Variants in ARMH3 observed in about 807,000 individuals in gnomAD.
The protein encoded by ARMH3 is armadillo like helical domain containing 3.
Under a neutral mutation model 99.1 loss-of-function variants are expected in ARMH3, and 60 were observed. The ratio of observed to expected loss-of-function variants is 0.61; its 90% CI spans 0.49 to 0.75. The LOEUF is 0.75. Among genes scored for constraint, ARMH3 ranks in the 30% least tolerant of loss-of-function variants. The pLI is 0.00. For missense variants in ARMH3, 679 were observed against 843.1 expected, an observed-to-expected ratio of 0.81 and a Z score of 2.41; for synonymous variants, 285 against 292.8, an observed-to-expected ratio of 0.97 and a Z score of 0.27.
intron 4 of ARMH3, among the ~76,000 whole-genome samples, chr10:102,031,634 T>A (rs2067133188): frequency 6.6e-6 from 1 of 152,242 alleles, no homozygotes; most frequent in South Asian, 2.1e-4. Context: ...ATTCTACAGA[T>A]GAGAAAACTG....
chr10:102,006,507 T>C (rs2066491437), intron 14 of ARMH3, 33 bp downstream of exon 14: 1 of 1,586,360 alleles, frequency 6.3e-7, no homozygotes, highest in Non-Finnish European at 8.7e-7. Flanking sequence ...AAGATCATAT[T>C]AACCAAGAAA....
chr10:101,852,054 T>A (rs947661724), intron 24 of ARMH3, among the ~76,000 whole-genome samples: 1 of 152,118 alleles, frequency 6.6e-6, no homozygotes, highest in African/African-American at 2.4e-5. Context: ...AATCAGCCCC[T>A]AGGAACCAGG....
At chr10:101,967,138 A>G (rs1454363180) in intron 20 of ARMH3, among the ~76,000 whole-genome samples, 1 of 152,150 alleles carries the variant, frequency 6.6e-6, no homozygotes, top group Non-Finnish European at 1.5e-5. Flanking sequence ...GTACCACAGA[A>G]CCCAAATCAA....
rs533709279 is a variant in ARMH3 at position 102,049,344 on chromosome 10, C to T, written c.-12+6741G>A. Among the ~76,000 whole-genome samples, 12 of 152,176 alleles carry T rather than the reference C, an allele frequency of 7.9e-5. No individual in the cohort carries two copies. In the South Asian group the frequency reaches 2.5e-3, roughly 32 times the overall value. On this transcript the variant is annotated intron_variant, in intron 1 of 25. Transcript: ENST00000370033. Reference sequence around the variant, plus strand: ...ATCACTTGAGGTCAGGAGTTCCAGACCAGCCTGGCCAACATGCAGAAACCC... The same window carrying T: ...ATCACTTGAGGTCAGGAGTTCCAGATCAGCCTGGCCAACATGCAGAAACCC...
chr10:102,017,951 A>C (rs1204623005), intron 8 of ARMH3, among the ~76,000 whole-genome samples: 1 of 152,182 alleles, frequency 6.6e-6, no homozygotes, highest in African/African-American at 2.4e-5. Context: ...CGGCCAAATA[A>C]AGCCCAACTA....
chr10:101,980,828 G>A (rs1026690621), intron 19 of ARMH3, among the ~76,000 whole-genome samples: 1 of 152,162 alleles, frequency 6.6e-6, no homozygotes, highest in Non-Finnish European at 1.5e-5. Flanking sequence ...ATCAATGATA[G>A]ACTGGATCAA....
intron 23 of ARMH3, among the ~76,000 whole-genome samples, chr10:101,908,122 A>T (rs996609777): frequency 2.0e-5 from 3 of 152,352 alleles, no homozygotes; most frequent in Non-Finnish European, 4.4e-5. Flanking sequence ...GAAAAAAACT[A>T]AAGTAGTTTA....
At chr10:101,880,088 TCA>T (rs2067373312) in intron 24 of ARMH3, among the ~76,000 whole-genome samples, 1 of 152,182 alleles carries the variant, frequency 6.6e-6, no homozygotes, top group African/African-American at 2.4e-5. Flanking sequence ...TGTCACATGC[TCA>T]CACTCGAGAA....
At chr10:102,001,376 T>C (rs1033382970) in intron 15 of ARMH3, among the ~76,000 whole-genome samples, 10 of 152,052 alleles carry the variant, frequency 6.6e-5, no homozygotes, top group Admixed American at 5.9e-4. Context: ...ACTCCACTAC[T>C]CTACCACCAA....
rs369291444 is a variant in ARMH3, at chr10:101,995,300, T to C, written c.1206A>G (p.Ala402=). Residue 402 remains alanine (A), a synonymous_variant, in exon 16 of 26, where the codon GCA becomes GCG. Transcript: ENST00000370033. ...KLCLIILTCI[A]EDQYANAFLH... Reference sequence around the variant, plus strand: ...GCAGAAGGCTCGTGAGACCTACCTCTGCAATACATGTAAGGATAATCAGAC... The same window carrying C: ...GCAGAAGGCTCGTGAGACCTACCTCCGCAATACATGTAAGGATAATCAGAC... The C allele has an allele frequency of 8.7e-6, 14 of 1,613,548 alleles. No individual in the cohort carries two copies. The African/African-American group carries it at 1.7e-4, about 20-fold the overall frequency.
At chr10:102,027,279 A>C (rs2067021753) in intron 5 of ARMH3, among the ~76,000 whole-genome samples, 1 of 127,996 alleles carries the variant, frequency 7.8e-6, no homozygotes, top group Non-Finnish European at 1.6e-5. Context: ...ATTCCGTCTC[A>C]AAAAAAAAAA....
In ARMH3 at chr10:101,889,451, G is replaced by T; in HGVS notation, c.1821C>A (p.Tyr607Ter). Residue 607 changes from tyrosine (Y) to a stop codon, truncating the protein, a stop_gained, in exon 24 of 26, where the codon TAC (tyrosine) becomes TAA (stop). Coordinates refer to ENST00000370033, the MANE Select transcript of ARMH3 (RefSeq NM_024541.3). LOFTEE classifies it high-confidence loss of function. ...GTTGGGATATGTGATTCACAGCAGCGTAGGACTCAATTTTGGGGTTAAAGT... is the reference window on the plus strand; with the variant it reads ...GTTGGGATATGTGATTCACAGCAGCTTAGGACTCAATTTTGGGGTTAAAGT... ...INHFNPKIESYAAVNHISQLS... is the reference protein window; with the variant it reads ...INHFNPKIES 6.2e-7 allele frequency: 1 copy of T among 1,614,028 alleles called. No homozygotes were observed. Among genetic ancestry groups the T allele is most frequent in the Non-Finnish European group, 8.5e-7 (1 of 1,179,884 alleles).
intron 24 of ARMH3, among the ~76,000 whole-genome samples, chr10:101,868,460 T>C (rs2067057530): frequency 6.6e-6 from 1 of 152,156 alleles, no homozygotes; most frequent in Non-Finnish European, 1.5e-5. Context: ...TTATGATGGA[T>C]TTCCACAAAG....
chr10:101,982,885 G>A (rs958863660), intron 19 of ARMH3, among the ~76,000 whole-genome samples: 3 of 151,926 alleles, frequency 2.0e-5, no homozygotes, highest in African/African-American at 4.8e-5. Context: ...TATATATTAC[G>A]ATGTAATAAT....
At chr10:101,934,496 G>GA (rs1273032585) in intron 23 of ARMH3, among the ~76,000 whole-genome samples, 1 of 152,150 alleles carries the variant, frequency 6.6e-6, no homozygotes, top group Non-Finnish European at 1.5e-5. Context: ...CATTCTTGAA[G>GA]AAATACTGAA....
In ARMH3 at chr10:102,012,867, G is replaced by A. The variant is rs1291176169; in HGVS notation, c.736C>T (p.Leu246Phe). The change falls in exon 10 of 26, where the codon CTT (leucine) becomes TTT (phenylalanine). Residue 246 changes from leucine to phenylalanine, a missense_variant. By Grantham distance (22) the Leu-to-Phe change is conservative (BLOSUM62 0). Coordinates refer to ENST00000370033, the MANE Select transcript of ARMH3 (RefSeq NM_024541.3). ...TCAGATAAAGCCTGAGCAATTACAAGTCCCATTCCCTAGAAGGGAAAAGAT... is the reference window on the plus strand; with the variant it reads ...TCAGATAAAGCCTGAGCAATTACAAATCCCATTCCCTAGAAGGGAAAAGAT... ...DDEATLNGMG[L>F]VIAQALSEYN... The A allele has an allele frequency of 2.5e-6, 4 of 1,609,764 alleles. No individual in the cohort carries two copies. Among genetic ancestry groups the A allele is most frequent in the African/African-American group, 2.7e-5 (2 of 74,856 alleles).
At chr10:102,020,269 T>C (rs1442458356) in intron 8 of ARMH3, among the ~76,000 whole-genome samples, 1 of 150,058 alleles carries the variant, frequency 6.7e-6, no homozygotes, top group Non-Finnish European at 1.5e-5. Context: ...GCACGGTAGC[T>C]CACACCTGTA....
intron 1 of ARMH3, among the ~76,000 whole-genome samples, chr10:102,045,741 T>C (rs1434213503): frequency 6.6e-6 from 1 of 152,076 alleles, no homozygotes; most frequent in African/African-American, 2.4e-5. Context: ...GAATACCACA[T>C]AGAAATTTAC....
At chr10:101,880,519 C>G (rs998693430) in intron 24 of ARMH3, among the ~76,000 whole-genome samples, 1 of 152,134 alleles carries the variant, frequency 6.6e-6, no homozygotes, top group Admixed American at 6.6e-5. Context: ...CACACAGAGG[C>G]TTGGCTTGTG....
Sources: gnomAD v4.1 joint callset for allele counts (sites outside exome capture counted in the v4.1 genomes callset) on GRCh38, gnomAD v4.1.1 for gene constraint, MANE v1.5 for transcripts, NCBI Gene and HGNC (gene_info 2026-07-23, HGNC 2026-07-21) for gene names.